Variants in RNF180 observed in about 807,000 individuals in gnomAD.
The protein encoded by RNF180 is ring finger protein 180.
RNF180 carries 38 observed loss-of-function variants against 59.2 expected under a neutral mutation model. That is an observed-to-expected ratio of 0.64 (90% CI 0.50 to 0.84). The LOEUF is 0.84. Among genes scored for constraint, RNF180 ranks in the 40% least tolerant of loss-of-function variants. RNF180 has a pLI of 0.00. For synonymous variants in RNF180, 262 were observed against 240.3 expected (o/e 1.09, Z -0.84); for missense variants, 705 against 700.9 (o/e 1.01, Z -0.07).
At chr5:64,277,910 T>C (rs1741814644) in intron 5 of RNF180, among the ~76,000 whole-genome samples, 1 of 152,144 alleles carries the variant, frequency 6.6e-6, no homozygotes, top group Non-Finnish European at 1.5e-5. Context: ...AACAACTATT[T>C]AGGCTTTCTG....
intron 7 of RNF180, among the ~76,000 whole-genome samples, chr5:64,361,842 T>C (rs1001103519): frequency 6.6e-6 from 1 of 151,422 alleles, no homozygotes; most frequent in Non-Finnish European, 1.5e-5. Flanking sequence ...ATACATTGAC[T>C]ATTATGTTAT....
At chr5:64,324,125 C>G (rs1274724449) in intron 5 of RNF180, among the ~76,000 whole-genome samples, 1 of 152,170 alleles carries the variant, frequency 6.6e-6, no homozygotes, top group African/African-American at 2.4e-5. Flanking sequence ...ACAAAAGCAT[C>G]ACCAAACTTC....
At chr5:64,181,328 A>G (rs930378208) in intron 1 of RNF180, among the ~76,000 whole-genome samples, 15 of 152,218 alleles carry the variant, frequency 9.9e-5, no homozygotes, top group African/African-American at 3.6e-4. Context: ...AGTATTAACC[A>G]TCACACGTGG....
At chr5:64,176,149 C>T (rs1259407207) in intron 1 of RNF180, among the ~76,000 whole-genome samples, 1 of 152,048 alleles carries the variant, frequency 6.6e-6, no homozygotes, top group African/African-American at 2.4e-5. Context: ...TCAATCTCCT[C>T]ATTTATTATT....
chr5:64,255,350 C>G (rs114456919), intron 5 of RNF180, among the ~76,000 whole-genome samples: 4 of 151,666 alleles, frequency 2.6e-5, no homozygotes, highest in Non-Finnish European at 5.9e-5. Flanking sequence ...CTATCCCCCT[C>G]GCCCCAGCCC....
chr5:64,194,104 T>G (rs537945361), intron 1 of RNF180, among the ~76,000 whole-genome samples: 14 of 152,292 alleles, frequency 9.2e-5, no homozygotes, highest in East Asian at 7.7e-4. Flanking sequence ...GCTGCACCCA[T>G]TAACTCGTCA....
chr5:64,288,005 G>A (rs1742376746), intron 5 of RNF180, among the ~76,000 whole-genome samples: 1 of 152,080 alleles, frequency 6.6e-6, no homozygotes. Flanking sequence ...GTATTGCCTA[G>A]ATTTTCTTCC....
intron 5 of RNF180, among the ~76,000 whole-genome samples, chr5:64,272,081 A>G (rs951639747): frequency 1.3e-5 from 2 of 152,218 alleles, no homozygotes; most frequent in East Asian, 1.9e-4. Flanking sequence ...TGGCTACTAC[A>G]TAATAGATAA....
At chr5:64,287,308 G>A (rs1742339999) in intron 5 of RNF180, among the ~76,000 whole-genome samples, 1 of 152,022 alleles carries the variant, frequency 6.6e-6, no homozygotes, top group African/African-American at 2.4e-5. Flanking sequence ...TGAAAAATCA[G>A]GTTACCATAG....
At chr5:64,327,602 G>T (rs1359784667) in intron 6 of RNF180, among the ~76,000 whole-genome samples, 1 of 151,960 alleles carries the variant, frequency 6.6e-6, no homozygotes, top group Non-Finnish European at 1.5e-5. Context: ...TCCTCTTTTT[G>T]ATGTCCAGTT....
At chr5:64,166,189 C>T (rs955642533) in intron 1 of RNF180, 2 of 152,248 alleles carry the variant, frequency 1.3e-5, no homozygotes, top group Admixed American at 6.5e-5. Flanking sequence ...GGAGCGGCCT[C>T]GGGGCGCGCC....
At chr5:64,222,712 G>A (rs144974815) in intron 5 of RNF180, among the ~76,000 whole-genome samples, 3 of 152,192 alleles carry the variant, frequency 2.0e-5, no homozygotes, top group African/African-American at 4.8e-5. Flanking sequence ...TTTGGGCACA[G>A]TGAGTCACTA....
intron 5 of RNF180, among the ~76,000 whole-genome samples, chr5:64,297,135 A>C (rs997722615): frequency 1.3e-5 from 2 of 152,112 alleles, no homozygotes; most frequent in Non-Finnish European, 2.9e-5. Flanking sequence ...AAATAAAGTA[A>C]TAAATTTAAA....
At chr5:64,194,319 A>G (rs1249651010) in intron 1 of RNF180, among the ~76,000 whole-genome samples, 2 of 152,140 alleles carry the variant, frequency 1.3e-5, no homozygotes, top group Non-Finnish European at 2.9e-5. Context: ...CCATGTCCCT[A>G]CAAAGGACAA....
At chr5:64,343,904 G>T (rs1293036212) in intron 7 of RNF180, among the ~76,000 whole-genome samples, 1 of 151,204 alleles carries the variant, frequency 6.6e-6, no homozygotes, top group African/African-American at 2.4e-5. Context: ...TAGCAAGGAA[G>T]GTCTACTGGA....
intron 5 of RNF180, among the ~76,000 whole-genome samples, chr5:64,283,031 TAAGTTC>T (rs544768488): frequency 2.0e-4 from 31 of 152,336 alleles, no homozygotes; most frequent in African/African-American, 7.5e-4. Context: ...GGTCATATGT[TAAGTTC>T]AAGTTTAGAT....
chr5:64,357,800 G>T (rs530139530), intron 7 of RNF180, among the ~76,000 whole-genome samples: 7 of 151,674 alleles, frequency 4.6e-5, no homozygotes, highest in South Asian at 2.1e-4. Context: ...ATCATATTCC[G>T]TAGCGAAAAA....
intron 5 of RNF180, among the ~76,000 whole-genome samples, chr5:64,222,783 A>G (rs1215236735): frequency 6.6e-6 from 1 of 152,218 alleles, no homozygotes; most frequent in Non-Finnish European, 1.5e-5. Flanking sequence ...CACAAGGGCC[A>G]GCCTTGTAAA....
chr5:64,225,672 T>G (rs376723737), intron 5 of RNF180, among the ~76,000 whole-genome samples: 3 of 55,138 alleles, frequency 5.4e-5, no homozygotes, highest in East Asian at 5.8e-4. Context: ...TCTGCCCGGC[T>G]GCCCCGTCTG....
Sources: gnomAD v4.1 joint callset for allele counts (sites outside exome capture counted in the v4.1 genomes callset) on GRCh38, gnomAD v4.1.1 for gene constraint, MANE v1.5 for transcripts, NCBI Gene and HGNC (gene_info 2026-07-23, HGNC 2026-07-21) for gene names.